ABR: variants seen among roughly 807,000 people sequenced by gnomAD.
ABR encodes active breakpoint cluster region-related protein.
A neutral mutation model predicts 107.2 loss-of-function variants in ABR; 35 were observed. The observed-to-expected ratio is 0.33, with a 90% CI of 0.25 to 0.43. ABR has a LOEUF of 0.43. Among genes scored for constraint, ABR ranks in the 20% least tolerant of loss-of-function variants. The pLI is 1.00. For missense variants in ABR, 815 were observed against 1,115.2 expected (o/e 0.73, Z 3.83); for synonymous variants, 498 against 462.0 (o/e 1.08, Z -1.00).
chr17:1,149,286 G>C (rs1199736962), intron 1 of ABR, among the ~76,000 whole-genome samples: 1 of 152,074 alleles, frequency 6.6e-6, no homozygotes, highest in Admixed American at 6.5e-5. Flanking sequence ...ACCAGGGACA[G>C]AGACCCCCCC....
chr17:1,133,243 GAA>G (rs35915671), intron 1 of ABR, among the ~76,000 whole-genome samples: 2 of 138,398 alleles, frequency 1.4e-5, no homozygotes, highest in African/African-American at 2.7e-5. Context: ...ACTCCGTCTC[GAA>G]AAAAAAAAAA....
rs1206952414 is a variant in ABR at position 1,071,193 on chromosome 17, C to T, written c.895-1103G>A. Among the ~76,000 whole-genome samples the T allele has an allele frequency of 6.6e-6, 1 of 152,070 alleles. No homozygotes were observed. The highest frequency in any genetic ancestry group is 1.5e-5 in the Non-Finnish European group (1 of 68,004). On this transcript the variant is annotated intron_variant, in intron 8 of 22. Coordinates refer to ENST00000302538, the MANE Select transcript of ABR (RefSeq NM_021962.5). The surrounding 1 kb of genome is among the most constrained non-coding windows in gnomAD (Gnocchi z 5.1). ...AAAGGATGACTGAAAACGGAGGGTA[C>T]GCTAAGCCCTCTGGAGATTTTTCAG...
Position 1,006,085 on chromosome 17 carries a change from C to A in ABR, c.2575G>T (p.Val859Leu), listed in dbSNP as rs865958326. 2 of 1,567,104 alleles carry A rather than the reference C, an allele frequency of 1.3e-6. No homozygotes were observed. Among genetic ancestry groups the A allele is most frequent in the South Asian group, 1.2e-5 (1 of 85,192 alleles). ...KRNTLYFSTD[V>L] is the part of the protein sequence containing the mutation. ...CGCAGCCACCCTGCCTCGGGCTACA[C>A]GTCGGTGGAGAAGTACAGTGTGTTC... Residue 859 changes from valine to leucine, a missense_variant, in exon 23 of 23, where the codon GTG becomes TTG. Physicochemically the swap from Val to Leu is conservative, Grantham distance 32. This residue lies in a region of ABR where 34 missense variants were observed against 26.8 expected (regional missense o/e 1.27). Coordinates refer to ENST00000302538, the MANE Select transcript of ABR (RefSeq NM_021962.5).
At chr17:1,109,878 C>G (rs1394009274) in intron 2 of ABR, among the ~76,000 whole-genome samples, 2 of 125,568 alleles carry the variant, frequency 1.6e-5, no homozygotes, top group Non-Finnish European at 3.4e-5. Context: ...TCCGAGCAGT[C>G]CCCCCACTCA....
chr17:1,175,512 A>G (rs769230782), intron 1 of ABR, among the ~76,000 whole-genome samples: 1 of 152,190 alleles, frequency 6.6e-6, no homozygotes, highest in Non-Finnish European at 1.5e-5. Context: ...ATACAGGCAA[A>G]TGAGTGGCGC....
intron 16 of ABR, among the ~76,000 whole-genome samples, chr17:1,036,854 A>T (rs769502970): frequency 1.3e-5 from 2 of 152,188 alleles, no homozygotes; most frequent in African/African-American, 2.4e-5. Flanking sequence ...GACTCACTCT[A>T]GGTTTTTCTC....
upstream of ABR, among the ~76,000 whole-genome samples, chr17:1,187,786 C>T (rs1236093075): frequency 2.6e-5 from 4 of 151,958 alleles, no homozygotes; most frequent in South Asian, 8.3e-4. Flanking sequence ...CCCAGCTACT[C>T]GGGAGGCTGA....
chr17:1,146,898 GCCA>G (rs1567824474), intron 1 of ABR, among the ~76,000 whole-genome samples: 3 of 105,360 alleles, frequency 2.8e-5, no homozygotes, highest in African/African-American at 1.4e-4. Context: ...TGCCGCCACT[GCCA>G]CCACTGCCAC....
chr17:1,003,916 T>C lies in ABR; in HGVS notation c.*2164A>G, dbSNP rs2069836898. ...GAGACCCTGCTGGGTGTTTCCTTGG[T>C]GCAGTTTAGTCCAGGTCTGGCACCT... On this transcript the variant is annotated 3_prime_UTR_variant, in exon 23 of 23. Transcript: ENST00000302538. The C allele has an allele frequency of 1.3e-5, 2 of 152,316 alleles. No individual in the cohort carries two copies. Among genetic ancestry groups the C allele is most frequent in the African/African-American group, 4.8e-5 (2 of 41,468 alleles). The allele number at this position is 152,316 out of a possible 1,614,324, so 9.4% of individuals were successfully genotyped here.
intron 16 of ABR, among the ~76,000 whole-genome samples, chr17:1,029,732 A>C (rs1212155742): frequency 2.6e-5 from 4 of 152,040 alleles, no homozygotes; most frequent in Non-Finnish European, 4.4e-5. Context: ...TGGCCCTTTG[A>C]CTCTGCTGCT....
intron 1 of ABR, among the ~76,000 whole-genome samples, chr17:1,193,309 G>A (rs983921428): frequency 7.4e-5 from 9 of 121,920 alleles, no homozygotes; most frequent in African/African-American, 1.8e-4. Flanking sequence ...GGACTCCCCC[G>A]CTCTCCCGGC....
chr17:1,092,032 C>T lies in ABR; in HGVS notation c.346-182G>A, dbSNP rs936922104. Among the ~76,000 whole-genome samples the T allele has an allele frequency of 2.0e-5, 3 of 152,128 alleles. No homozygotes were observed. The highest frequency in any genetic ancestry group is 4.8e-5 in the African/African-American group (2 of 41,438). ...GCCACTGCCACAGGCCCCAACAAGC[C>T]GCACACTCGACAGCAGGAACCTGGC... On this transcript the variant is annotated intron_variant, in intron 3 of 22. Transcript: ENST00000302538. The surrounding 1 kb of genome is among the most constrained non-coding windows in gnomAD (Gnocchi z 4.6).
intron 1 of ABR, among the ~76,000 whole-genome samples, chr17:1,225,352 A>G (rs1479779077): frequency 6.6e-6 from 1 of 151,804 alleles, no homozygotes; most frequent in Non-Finnish European, 1.5e-5. Flanking sequence ...GGGAGTGGGA[A>G]GCTCTGAGGA....
At chr17:1,140,260 C>A (rs932062053) in intron 1 of ABR, among the ~76,000 whole-genome samples, 1 of 152,170 alleles carries the variant, frequency 6.6e-6, no homozygotes, top group African/African-American at 2.4e-5. Context: ...GAGCGATGGA[C>A]AGGAAGGGGG....
Position 1,141,798 on chromosome 17 carries a change from T to A in ABR, c.62-16431A>T, listed in dbSNP as rs982253012. 5.3e-5 allele frequency among the ~76,000 whole-genome samples: 8 copies of A among 151,538 alleles called. No individual in the cohort carries two copies. The South Asian group carries it at 1.7e-3, about 32-fold the overall frequency. On this transcript the variant is annotated intron_variant, in intron 1 of 22. Coordinates refer to ENST00000302538, the MANE Select transcript of ABR (RefSeq NM_021962.5). ...TTTGGAGACAGAGTCTTGCTCTGTC[T>A]CCCACGCTAGAGTACAATGGCACAA...
chr17:1,080,787 G>A (rs974898364), intron 5 of ABR, among the ~76,000 whole-genome samples: 3 of 152,088 alleles, frequency 2.0e-5, no homozygotes, highest in South Asian at 4.2e-4. Context: ...GATACTCAGC[G>A]TCCCCAGCCT....
At chr17:1,044,437 C>G (rs1353870625) in intron 16 of ABR, among the ~76,000 whole-genome samples, 1 of 152,082 alleles carries the variant, frequency 6.6e-6, no homozygotes, top group Non-Finnish European at 1.5e-5. Context: ...ATCACCTGAG[C>G]TCAGGAGTTT....
At chr17:1,124,588 C>T (rs928725241) in intron 2 of ABR, among the ~76,000 whole-genome samples, 2 of 152,270 alleles carry the variant, frequency 1.3e-5, no homozygotes, top group Non-Finnish European at 2.9e-5. Context: ...GTTTCTATCC[C>T]TGGCCTGTCT....
intron 1 of ABR, among the ~76,000 whole-genome samples, chr17:1,151,816 A>G (rs1300990838): frequency 6.6e-6 from 1 of 152,222 alleles, no homozygotes; most frequent in African/African-American, 2.4e-5. Context: ...GAAAGACAGG[A>G]CATCCATCCC....
Sources: gnomAD v4.1 joint callset for allele counts (sites outside exome capture counted in the v4.1 genomes callset) on GRCh38, gnomAD v4.1.1 for gene constraint, gnomAD v4.1.1 regional missense constraint, Gnocchi (gnomAD v3.1) non-coding constraint, MANE v1.5 for transcripts, NCBI Gene and HGNC (gene_info 2026-07-23, HGNC 2026-07-21) for gene names.